Variants in SPOPL observed in about 807,000 individuals in gnomAD.
SPOPL encodes the protein speckle-type POZ protein-like.
SPOPL carries 23 observed loss-of-function variants against 53.8 expected under a neutral mutation model. That is an observed-to-expected ratio of 0.43 (90% confidence interval 0.31 to 0.61). The LOEUF (loss-of-function observed/expected upper bound fraction) is 0.61, where lower values mean the gene tolerates loss of function less well. Ranked by LOEUF, SPOPL falls within the 20% of genes least tolerant of loss-of-function variation. SPOPL has a pLI of 0.12. For missense variants in SPOPL, 442 were observed against 466.9 expected (o/e 0.95, Z 0.49); for synonymous variants, 164 against 149.7 (o/e 1.10, Z -0.70).
intron 1 of SPOPL, among the ~76,000 whole-genome samples, chr2:138,545,029 A>T (rs1685161265): frequency 6.6e-6 from 1 of 152,014 alleles, no homozygotes; most frequent in Admixed American, 6.6e-5. Context: ...GCCAGCTCTG[A>T]TTCCTTCTCT....
chr2:138,508,305 T>C (rs1405051325), intron 1 of SPOPL, among the ~76,000 whole-genome samples: 1 of 152,174 alleles, frequency 6.6e-6, no homozygotes, highest in Admixed American at 6.5e-5. Context: ...AGGAAAATTA[T>C]GTTAAAATTA....
At chr2:138,549,547 G>A (rs1685268880) in intron 1 of SPOPL, among the ~76,000 whole-genome samples, 1 of 152,128 alleles carries the variant, frequency 6.6e-6, no homozygotes, top group African/African-American at 2.4e-5. Context: ...AGCTACCTGG[G>A]AGGAAATTTT....
chr2:138,528,710 G>A (rs1301127634), intron 1 of SPOPL, among the ~76,000 whole-genome samples: 2 of 152,106 alleles, frequency 1.3e-5, no homozygotes, highest in Admixed American at 1.3e-4. Flanking sequence ...ACTCCCTTTT[G>A]TTCTGGGTTA....
chr2:138,511,565 A>T (rs970623679), intron 1 of SPOPL, among the ~76,000 whole-genome samples: 3 of 152,194 alleles, frequency 2.0e-5, no homozygotes, highest in Non-Finnish European at 4.4e-5. Flanking sequence ...TAATACCATA[A>T]TTTTTTGAAT....
At chr2:138,505,634 G>A (rs976949797) in intron 1 of SPOPL, among the ~76,000 whole-genome samples, 3 of 150,304 alleles carry the variant, frequency 2.0e-5, no homozygotes, top group Non-Finnish European at 3.0e-5. Context: ...AGTTAGTTGG[G>A]TGTGGTGGCA....
At chr2:138,547,111 G>A (rs572255947) in intron 1 of SPOPL, among the ~76,000 whole-genome samples, 6 of 152,058 alleles carry the variant, frequency 3.9e-5, no homozygotes, top group East Asian at 3.9e-4. Flanking sequence ...CATTATAGGC[G>A]CCCGCCCCCA....
intron 1 of SPOPL, among the ~76,000 whole-genome samples, chr2:138,523,462 A>G (rs943984456): frequency 1.2e-4 from 19 of 152,084 alleles, no homozygotes; most frequent in African/African-American, 4.6e-4. Flanking sequence ...TCACATTTCA[A>G]AACCAATCAT....
intron 8 of SPOPL, among the ~76,000 whole-genome samples, chr2:138,561,242 C>T (rs1328996670): frequency 6.6e-6 from 1 of 151,780 alleles, no homozygotes; most frequent in Non-Finnish European, 1.5e-5. Context: ...TATTTTTAGT[C>T]TTGAGATATA....
chr2:138,550,863 G>A (rs544574238), intron 3 of SPOPL, 40 bp from the exon 4 acceptor site: 4 of 1,528,720 alleles, frequency 2.6e-6, no homozygotes, highest in Admixed American at 3.9e-5. Flanking sequence ...TGCTTTTCAA[G>A]TATTATATTC....
chr2:138,544,513 G>A (rs1685149060), intron 1 of SPOPL, among the ~76,000 whole-genome samples: 1 of 152,202 alleles, frequency 6.6e-6, no homozygotes, highest in South Asian at 2.1e-4. Context: ...AGGCTCCCTG[G>A]GCGTTAAGAC....
rs1685335212 is a variant in SPOPL, at chr2:138,552,551, C to T, written c.353-3C>T. ...ATTTAAACTCTATTCTGTTTTCCAC[C>T]AGAAAGCCAAAGAGCATATCGATTT... is the stretch of plus-strand genomic sequence containing the variant. On this transcript the variant is annotated splice_region_variant and splice_polypyrimidine_tract_variant and intron_variant, in intron 4 of 10. Coordinates refer to ENST00000280098, the MANE Select transcript of SPOPL (RefSeq NM_001001664.3). 6.2e-7 allele frequency: 1 copy of T among 1,602,386 alleles called. No homozygotes were observed. Among genetic ancestry groups the T allele is most frequent in the Non-Finnish European group, 8.5e-7 (1 of 1,176,322 alleles).
intron 7 of SPOPL, among the ~76,000 whole-genome samples, 157 bp from the exon 8 acceptor site, chr2:138,560,648 T>G (rs2104901839): frequency 6.6e-6 from 1 of 152,216 alleles, no homozygotes; most frequent in Non-Finnish European, 1.5e-5. Flanking sequence ...ACCTCAATTT[T>G]AAAGTAGAAT....
chr2:138,558,300 A>G (rs1368722989), intron 5 of SPOPL, among the ~76,000 whole-genome samples: 1 of 152,240 alleles, frequency 6.6e-6, no homozygotes, highest in Non-Finnish European at 1.5e-5. Context: ...CCATAAAAAT[A>G]ATACTGTAAT....
rs1397663547 is a variant in SPOPL at position 138,550,551 on chromosome 2, T to G, written c.147T>G (p.Gly49=). The change falls in exon 3 of 11, where the codon GGT becomes GGG. Residue 49 remains glycine (G), a synonymous_variant. Transcript: ENST00000280098. ...TCAGTTTTTGTCGAGAGGAAATGGGTGAAGTGTTAAAAAGTTCAACATTTT... is the reference window on the plus strand; with the variant it reads ...TCAGTTTTTGTCGAGAGGAAATGGGGGAAGTGTTAAAAAGTTCAACATTTT... The part of the protein sequence containing the change: ...NNFSFCREEM[G]EVLKSSTFSS... The G allele has an allele frequency of 3.1e-6, 5 of 1,611,338 alleles. No homozygotes were observed. The highest frequency in any genetic ancestry group is 3.4e-6 in the Non-Finnish European group (4 of 1,178,002).
intron 1 of SPOPL, among the ~76,000 whole-genome samples, chr2:138,533,504 A>G (rs926063277): frequency 1.3e-5 from 2 of 152,140 alleles, no homozygotes. Context: ...GTTAGAGTGC[A>G]TGATATATCT....
At chr2:138,503,858 C>T (rs1410557329) in intron 1 of SPOPL, among the ~76,000 whole-genome samples, 1 of 152,206 alleles carries the variant, frequency 6.6e-6, no homozygotes, top group East Asian at 1.9e-4. Context: ...TCAATCACTA[C>T]TCGAGATAGA....
intron 1 of SPOPL, among the ~76,000 whole-genome samples, chr2:138,538,870 G>A (rs1684996877): frequency 6.6e-6 from 1 of 151,806 alleles, no homozygotes; most frequent in African/African-American, 2.4e-5. Context: ...TTAACATTAG[G>A]AATATCTCCT....
chr2:138,535,539 A>T, intron 1 of SPOPL, among the ~76,000 whole-genome samples: 16 of 131,494 alleles, frequency 1.2e-4, no homozygotes, highest in South Asian at 2.4e-4. Flanking sequence ...TTTTTTTTTA[A>T]TAGCCATTCT....
At chr2:138,523,528 CAGTCCAA>C (rs1242159088) in intron 1 of SPOPL, among the ~76,000 whole-genome samples, 1 of 152,150 alleles carries the variant, frequency 6.6e-6, no homozygotes, top group Non-Finnish European at 1.5e-5. Flanking sequence ...CAAAAGTCCA[CAGTCCAA>C]AGTCTTATCT....
Sources: allele counts gnomAD v4.1 joint callset (sites outside exome capture counted in the v4.1 genomes callset), GRCh38; gene constraint gnomAD v4.1.1; transcripts MANE v1.5; gene names NCBI Gene and HGNC (gene_info 2026-07-23, HGNC 2026-07-21).